NRG1: variants seen among roughly 807,000 people sequenced by gnomAD.
The protein encoded by NRG1 is pro-neuregulin-1, membrane-bound isoform.
Under a neutral mutation model 63.8 loss-of-function variants are expected in NRG1, and 18 were observed. The ratio of observed to expected loss-of-function variants is 0.28; its 90% confidence interval spans 0.19 to 0.42. The LOEUF (loss-of-function observed/expected upper bound fraction) is 0.42. Among genes scored for constraint, NRG1 ranks in the 10% least tolerant of loss-of-function variants. The pLI is 1.00. For missense variants in NRG1, 762 were observed against 814.7 expected (o/e 0.94, Z 0.79); for synonymous variants, 302 against 301.3 (o/e 1.00, Z -0.02).
At chr8:32,511,576 G>T (rs939167485) in intron 1 of NRG1, among the ~76,000 whole-genome samples, 5 of 151,666 alleles carry the variant, frequency 3.3e-5, no homozygotes, top group African/African-American at 1.2e-4. Flanking sequence ...ATTTTATACT[G>T]AAAGTTAAAG....
intron 1 of NRG1, among the ~76,000 whole-genome samples, chr8:32,571,917 TAGTC>T (rs78933622): frequency 0.16 from 24,693 of 152,062 alleles, 2,170 homozygotes; most frequent in Middle Eastern, 0.2. Flanking sequence ...GCCATAAAAA[TAGTC>T]AGAGACTGAG....
chr8:32,018,685 T>C (rs1472802521), intron 1 of NRG1, among the ~76,000 whole-genome samples: 1 of 152,250 alleles, frequency 6.6e-6, no homozygotes, highest in Non-Finnish European at 1.5e-5. Context: ...AGATATGGGA[T>C]GATTCCAGCC....
At chr8:32,484,703 G>C (rs1825706890) in intron 1 of NRG1, among the ~76,000 whole-genome samples, 2 of 151,406 alleles carry the variant, frequency 1.3e-5, no homozygotes, top group Admixed American at 6.6e-5. Flanking sequence ...GGGGCTTTTT[G>C]GTTTGCCTAT....
chr8:32,014,026 T>C (rs560385156), intron 1 of NRG1, among the ~76,000 whole-genome samples: 47 of 152,304 alleles, frequency 3.1e-4, no homozygotes, highest in African/African-American at 1.0e-3. Flanking sequence ...TTCTCAGGCC[T>C]CACATCACCT....
chr8:32,109,520 T>C (rs560305531), intron 1 of NRG1, among the ~76,000 whole-genome samples: 1 of 152,334 alleles, frequency 6.6e-6, no homozygotes, highest in South Asian at 2.1e-4. Context: ...TTCCTAGTTC[T>C]GTGTTGTTGC....
At chr8:32,151,919 C>T (rs1262482931) in intron 1 of NRG1, among the ~76,000 whole-genome samples, 2 of 151,734 alleles carry the variant, frequency 1.3e-5, no homozygotes, top group African/African-American at 4.8e-5. Context: ...AAAGTGGGAG[C>T]GCTTCAGAAA....
Position 32,502,817 on chromosome 8 carries a change from A to C in NRG1, c.38-93011A>C, listed in dbSNP as rs189929263. 3.7e-3 allele frequency among the ~76,000 whole-genome samples: 567 copies of C among 152,270 alleles called. 5 individuals are homozygous for C. The highest frequency in any genetic ancestry group is 0.013 in the African/African-American group (541 of 41,558). On this transcript the variant is annotated intron_variant, in intron 1 of 10. Coordinates refer to the NRG1 transcript ENST00000519301. The stretch of plus-strand genomic sequence containing the variant: ...ATTAACTTTCAGTGAAAATGAAGAA[A>C]TAAACAATCATAAACTGTCAGTTAC...
chr8:32,220,705 C>G (rs1586177882), intron 1 of NRG1, among the ~76,000 whole-genome samples: 1 of 152,218 alleles, frequency 6.6e-6, no homozygotes, highest in African/African-American at 2.4e-5. Context: ...GGCAGGCCAT[C>G]TGCTGCAGTG....
chr8:32,056,883 G>A (rs17690742), intron 1 of NRG1, among the ~76,000 whole-genome samples: 69,173 of 152,052 alleles, frequency 0.45, 18,399 homozygotes, highest in South Asian at 0.6. Flanking sequence ...TTTGGAGATG[G>A]CAAAGAGATA....
intron 1 of NRG1, among the ~76,000 whole-genome samples, chr8:32,258,827 A>T (rs941711102): frequency 6.6e-6 from 1 of 152,180 alleles, no homozygotes; most frequent in Non-Finnish European, 1.5e-5. Flanking sequence ...CAGCCAAAAC[A>T]TATCAGGTAC....
At position 32,742,519 on chromosome 8, in the gene NRG1, A is replaced by G. The variant is rs1826592027; in HGVS notation, c.633-156A>G. On this transcript the variant is annotated intron_variant, in intron 6 of 11. Coordinates refer to ENST00000356819, the Ensembl canonical transcript of NRG1. This position sits in a 1 kb window ranked among gnomAD's most constrained non-coding sequence, Gnocchi z 4.2. The stretch of plus-strand genomic sequence containing the variant: ...TTTAACCATTTGGGGGAAGTGCCAG[A>G]GCCTGAAAGCCATGATCAGGGCAAA... Among the ~76,000 whole-genome samples, 1 of 152,344 alleles carries G rather than the reference A, an allele frequency of 6.6e-6. No individual in the cohort carries two copies. The highest frequency in any genetic ancestry group is 2.4e-5 in the African/African-American group (1 of 41,586).
At chr8:32,062,792 G>T (rs1023257348) in intron 1 of NRG1, among the ~76,000 whole-genome samples, 3 of 151,832 alleles carry the variant, frequency 2.0e-5, no homozygotes, top group Non-Finnish European at 2.9e-5. Flanking sequence ...ATTCATATTT[G>T]TTTTATCAAA....
chr8:32,279,065 C>G (rs1466439731), intron 1 of NRG1, among the ~76,000 whole-genome samples: 1 of 152,218 alleles, frequency 6.6e-6, no homozygotes, highest in African/African-American at 2.4e-5. Context: ...AATGATCTCT[C>G]TGAATCAGAT....
chr8:32,235,804 A>G (rs1242657155), intron 1 of NRG1, among the ~76,000 whole-genome samples: 1 of 152,148 alleles, frequency 6.6e-6, no homozygotes, highest in East Asian at 1.9e-4. Context: ...CAGGGCTAAC[A>G]AAAAAATCTG....
intron 6 of NRG1, among the ~76,000 whole-genome samples, chr8:32,738,421 T>TAC (rs1321538576): frequency 1.3e-4 from 13 of 101,616 alleles, no homozygotes; most frequent in African/African-American, 4.1e-4. Context: ...GAATGGTATA[T>TAC]ACATACACAC....
chr8:32,179,669 A>G (rs1012583561), intron 1 of NRG1, among the ~76,000 whole-genome samples: 3 of 152,172 alleles, frequency 2.0e-5, no homozygotes, highest in Non-Finnish European at 4.4e-5. Context: ...GTTCCAGCTG[A>G]ACAGTCTATC....
intron 1 of NRG1, among the ~76,000 whole-genome samples, chr8:32,078,656 TG>T (rs2131123934): frequency 6.6e-6 from 1 of 152,332 alleles, no homozygotes; most frequent in South Asian, 2.1e-4. Context: ...GTTTTATGAA[TG>T]GGTGTCTCTC....
At position 31,639,553 on chromosome 8, in the gene NRG1, C is replaced by T. The variant is rs113183898; in HGVS notation, c.37+122C>T. 1.7e-4 allele frequency: 246 copies of T among 1,445,264 alleles called. No individual in the cohort carries two copies. In the East Asian group the frequency reaches 5.5e-3, roughly 32 times the overall value. 89.5% of individuals were successfully genotyped at this position (1,445,264 alleles called of 1,614,324 possible). A position where few individuals can be genotyped will look rare whatever the true frequency, so the allele number is the denominator to read the frequency against. ...CTCTCTCCCAGCCGCTTGCTCGCAGCCCCAGCAGCCGCCGCAGCATCACTT... is the reference window on the plus strand; with the variant it reads ...CTCTCTCCCAGCCGCTTGCTCGCAGTCCCAGCAGCCGCCGCAGCATCACTT... On this transcript the variant is annotated intron_variant, in intron 1 of 10. Coordinates refer to the NRG1 transcript ENST00000519301.
chr8:32,503,288 G>C (rs1433256196), intron 1 of NRG1, among the ~76,000 whole-genome samples: 220 of 54,682 alleles, frequency 4.0e-3, no homozygotes, highest in East Asian at 7.5e-3. Context: ...CTCTGTCTCA[G>C]AAAAAAAAAA....
Sources: gnomAD v4.1 joint callset for allele counts (sites outside exome capture counted in the v4.1 genomes callset) on GRCh38, gnomAD v4.1.1 for gene constraint, Gnocchi (gnomAD v3.1) non-coding constraint, MANE v1.5 for transcripts, NCBI Gene and HGNC (gene_info 2026-07-23, HGNC 2026-07-21) for gene names.